EIF2AK3: variants seen among roughly 807,000 people sequenced by gnomAD.
EIF2AK3 encodes eukaryotic translation initiation factor 2-alpha kinase 3.
Under a neutral mutation model 113.5 loss-of-function variants are expected in EIF2AK3, and 50 were observed. That is an observed-to-expected ratio of 0.44 (90% confidence interval 0.35 to 0.56). The LOEUF is 0.56. Among genes scored for constraint, EIF2AK3 ranks in the 20% least tolerant of loss-of-function variants. The pLI is 0.00. For missense variants in EIF2AK3, 1,185 were observed against 1,378.0 expected (o/e 0.86, Z 2.22); for synonymous variants, 448 against 495.4 (o/e 0.90, Z 1.27).
chr2:88,613,117 T>G (rs1675493828), intron 2 of EIF2AK3, among the ~76,000 whole-genome samples: 1 of 152,156 alleles, frequency 6.6e-6, no homozygotes, highest in African/African-American at 2.4e-5. Context: ...ACTTTATTGA[T>G]GAGAACAACT....
intron 2 of EIF2AK3, among the ~76,000 whole-genome samples, chr2:88,611,983 G>A (rs1675468614): frequency 6.6e-6 from 1 of 152,042 alleles, no homozygotes; most frequent in South Asian, 2.1e-4. Flanking sequence ...GGGGTGGGTG[G>A]GTGTGAGAGA....
At chr2:88,613,054 TTC>T (rs1286177119) in intron 2 of EIF2AK3, among the ~76,000 whole-genome samples, 3 of 152,186 alleles carry the variant, frequency 2.0e-5, no homozygotes, top group Non-Finnish European at 4.4e-5. Context: ...GAAAATCAGC[TTC>T]TCTTATTTAA....
At chr2:88,587,333 TC>T (rs1573403007) in intron 8 of EIF2AK3, among the ~76,000 whole-genome samples, 1 of 151,848 alleles carries the variant, frequency 6.6e-6, no homozygotes, top group South Asian at 2.1e-4. Context: ...TGATGAGTCG[TC>T]TACGTGTTTA....
intron 12 of EIF2AK3, among the ~76,000 whole-genome samples, chr2:88,576,188 CTCAA>C (rs1356382636): frequency 1.1e-4 from 17 of 152,128 alleles, no homozygotes; most frequent in Non-Finnish European, 1.5e-5. Flanking sequence ...CTATAAATCC[CTCAA>C]TCAATCACAA....
chr2:88,567,432 A>C (rs932920350), intron 14 of EIF2AK3, among the ~76,000 whole-genome samples: 2 of 152,218 alleles, frequency 1.3e-5, no homozygotes, highest in Non-Finnish European at 2.9e-5. Context: ...TACATCAAGT[A>C]CAAATCCCTA....
At chr2:88,611,026 G>A (rs1230640935) in intron 2 of EIF2AK3, among the ~76,000 whole-genome samples, 1 of 152,126 alleles carries the variant, frequency 6.6e-6, no homozygotes, top group Non-Finnish European at 1.5e-5. Flanking sequence ...ACTCCAGCCT[G>A]ATAAAAAGCT....
At chr2:88,599,281 TAG>T (rs1675096628) in intron 2 of EIF2AK3, among the ~76,000 whole-genome samples, 1 of 152,160 alleles carries the variant, frequency 6.6e-6, no homozygotes, top group Non-Finnish European at 1.5e-5. Context: ...AATATTACCT[TAG>T]AGTCTTAGCA....
intron 14 of EIF2AK3, among the ~76,000 whole-genome samples, chr2:88,569,356 A>T (rs1292750768): frequency 1.3e-5 from 2 of 149,334 alleles, no homozygotes; most frequent in Non-Finnish European, 3.0e-5. Flanking sequence ...AACAAACAAC[A>T]TTTTTTTTTT....
chr2:88,583,519 C>T lies in EIF2AK3; in HGVS notation c.1674G>A (p.Gln558=). Residue 558 remains glutamine, a synonymous_variant, in exon 10 of 17, where the codon CAG becomes CAA. Coordinates refer to ENST00000303236, the MANE Select transcript of EIF2AK3 (RefSeq NM_004836.7). ...AATCATATTTATTTTCAGTTTGACA[C>T]TGAGTTTCAGACTCCTTCCTTTGCT... ...PHRQRKESET[Q]CQTENKYDSV... is the part of the protein sequence containing the mutation. 2 of 1,613,048 alleles carry T rather than the reference C, an allele frequency of 1.2e-6. No individual in the cohort carries two copies. The highest frequency in any genetic ancestry group is 1.1e-5 in the South Asian group (1 of 91,070).
chr2:88,576,307 T>C (rs1674455716), intron 12 of EIF2AK3, among the ~76,000 whole-genome samples: 1 of 152,200 alleles, frequency 6.6e-6, no homozygotes, highest in African/African-American at 2.4e-5. Flanking sequence ...CTTGAACTCC[T>C]GGGCTCAAGC....
intron 1 of EIF2AK3, among the ~76,000 whole-genome samples, chr2:88,625,284 T>TACACAC (rs375827301): frequency 2.3e-3 from 312 of 135,254 alleles, no homozygotes; most frequent in African/African-American, 4.7e-3. Flanking sequence ...ATCGCTTACG[T>TACACAC]ACACACACAC....
intron 16 of EIF2AK3, among the ~76,000 whole-genome samples, chr2:88,558,437 G>A (rs994771342): frequency 6.6e-6 from 1 of 152,210 alleles, no homozygotes; most frequent in African/African-American, 2.4e-5. Flanking sequence ...CTCTTTGAAC[G>A]TAACATGTAC....
chr2:88,593,505 A>G, intron 3 of EIF2AK3, 100 bp from the exon 4 acceptor site: 1 of 1,422,020 alleles, frequency 7.0e-7, no homozygotes, highest in Non-Finnish European at 9.7e-7. Context: ...GTGAAAGGAA[A>G]CTAAGGAAAT....
chr2:88,627,216 AGC>A lies in EIF2AK3; in HGVS notation c.57_58del (p.Leu20AlafsTer56). On this transcript the variant is annotated frameshift_variant, in exon 1 of 17. Coordinates refer to ENST00000303236, the MANE Select transcript of EIF2AK3 (RefSeq NM_004836.7). LOFTEE classifies it high-confidence loss of function. ...CACCGTCCTTGCCGCGAGCCCCAGC[AGC>A]AGCAGCAGCAGCAGCAGCGCCCGTA... 4.8e-6 allele frequency: 3 copies of A among 622,666 alleles called. No homozygotes were observed. Among genetic ancestry groups the A allele is most frequent in the Non-Finnish European group, 7.1e-6 (3 of 422,842 alleles). 38.6% of individuals were successfully genotyped at this position (622,666 alleles called of 1,614,324 possible).
chr2:88,590,369 G>T, intron 6 of EIF2AK3, 74 bp downstream of exon 6: 1 of 1,509,140 alleles, frequency 6.6e-7, no homozygotes. Flanking sequence ...CACTCCTGAA[G>T]TAGGAAGGAA....
intron 1 of EIF2AK3, among the ~76,000 whole-genome samples, chr2:88,621,594 T>A (rs950761001): frequency 6.6e-6 from 1 of 152,232 alleles, no homozygotes; most frequent in African/African-American, 2.4e-5. Flanking sequence ...AAAGGAGGCA[T>A]ATGTTCTTGT....
chr2:88,581,480 C>T (rs1397997993), intron 10 of EIF2AK3, among the ~76,000 whole-genome samples: 2 of 152,164 alleles, frequency 1.3e-5, no homozygotes, highest in Non-Finnish European at 2.9e-5. Flanking sequence ...TGATTTGGTT[C>T]ATGGCTTTCT....
chr2:88,616,505 C>G (rs1054348996), intron 1 of EIF2AK3, among the ~76,000 whole-genome samples: 1 of 152,170 alleles, frequency 6.6e-6, no homozygotes, highest in Admixed American at 6.5e-5. Flanking sequence ...CGGCTCACTG[C>G]AACCTCCGCC....
chr2:88,587,204 C>CAAAAAAAA (rs780050125), intron 8 of EIF2AK3, among the ~76,000 whole-genome samples: 13 of 30,232 alleles, frequency 4.3e-4, no homozygotes, highest in Non-Finnish European at 5.8e-4. Context: ...AACTCCATCT[C>CAAAAAAAA]AAAAAAAAAA....
Sources: allele counts gnomAD v4.1 joint callset (sites outside exome capture counted in the v4.1 genomes callset), GRCh38; gene constraint gnomAD v4.1.1; transcripts MANE v1.5; gene names NCBI Gene and HGNC (gene_info 2026-07-23, HGNC 2026-07-21).